The following TENM3 variants were observed in gnomAD, a reference collection of about 807,000 sequenced individuals.
The protein encoded by TENM3 is teneurin-3.
A neutral mutation model predicts 255.1 loss-of-function variants in TENM3; 63 were observed. The ratio of observed to expected loss-of-function variants is 0.25; its 90% CI spans 0.20 to 0.30. The LOEUF is 0.30. Among genes scored for constraint, TENM3 ranks in the 10% least tolerant of loss-of-function variants. The pLI is 1.00. For missense variants in TENM3, 2,929 were observed against 3,461.1 expected (o/e 0.85, Z 3.86); for synonymous variants, 1,306 against 1,322.3 (o/e 0.99, Z 0.27).
chr4:181,792,315 G>A, the TENM3 span, among the ~76,000 whole-genome samples: 4 of 152,112 alleles, frequency 2.6e-5, no homozygotes, highest in Admixed American at 2.6e-4. Flanking sequence ...TTTTATTTTG[G>A]CTCAAAAATG....
chr4:182,743,273 C>T lies in TENM3; in HGVS notation c.3483C>T (p.Pro1161=). 1 of 1,614,036 alleles carries T rather than the reference C, an allele frequency of 6.2e-7. No homozygotes were observed. The highest frequency in any genetic ancestry group is 1.1e-5 in the South Asian group (1 of 91,090). Residue 1161 remains proline (P), a synonymous_variant, in exon 19 of 28, where the codon CCC becomes CCT. Coordinates refer to ENST00000511685, the MANE Select transcript of TENM3 (RefSeq NM_001080477.4). ...GGCGAAGGCGCAGCATTTCCTGCCC[C>T]AGTTGCAATGGTCAAGCTGATGGTA... is the stretch of plus-strand genomic sequence containing the variant. ...GNGRRRSISC[P]SCNGQADGNK... is the part of the protein sequence containing the mutation.
chr4:182,107,401 C>T, the TENM3 span, among the ~76,000 whole-genome samples: 304 of 152,318 alleles, frequency 2.0e-3, 1 homozygote, highest in Middle Eastern at 0.01. Flanking sequence ...GCTGAAACAT[C>T]GAAGGACATC....
chr4:182,114,249 A>C, the TENM3 span, among the ~76,000 whole-genome samples: 15 of 151,890 alleles, frequency 9.9e-5, no homozygotes, highest in Admixed American at 4.0e-4. Context: ...TGTGAATCAA[A>C]TGCATAAAAT....
the TENM3 span, among the ~76,000 whole-genome samples, chr4:181,845,828 G>A: frequency 6.6e-6 from 1 of 152,296 alleles, no homozygotes; most frequent in East Asian, 1.9e-4. Context: ...GTTACAGCGG[G>A]TGTTCCTGAA....
At chr4:181,802,713 GT>G in the TENM3 span, among the ~76,000 whole-genome samples, 1 of 151,960 alleles carries the variant, frequency 6.6e-6, no homozygotes, top group Non-Finnish European at 1.5e-5. Context: ...TTATACCTTT[GT>G]GAGCAGTCAA....
chr4:181,815,674 G>A, the TENM3 span, among the ~76,000 whole-genome samples: 1 of 152,224 alleles, frequency 6.6e-6, no homozygotes, highest in African/African-American at 2.4e-5. Context: ...CACACAGCTG[G>A]GAGACCGAAG....
chr4:181,769,213 C>T, the TENM3 span, among the ~76,000 whole-genome samples: 1 of 152,140 alleles, frequency 6.6e-6, no homozygotes, highest in East Asian at 1.9e-4. Flanking sequence ...CTCGAAAAAG[C>T]ATAGAAATAG....
chr4:181,888,525 T>TACAC, the TENM3 span, among the ~76,000 whole-genome samples: 3 of 99,848 alleles, frequency 3.0e-5, no homozygotes, highest in African/African-American at 1.5e-4. Context: ...TGTATATATA[T>TACAC]ACATATATGT....
the TENM3 span, among the ~76,000 whole-genome samples, chr4:181,721,802 C>T: frequency 6.6e-6 from 1 of 151,838 alleles, no homozygotes; most frequent in African/African-American, 2.4e-5. Flanking sequence ...GCAAGAACTA[C>T]AAGACAGCGT....
chr4:181,828,924 CATG>C, the TENM3 span, among the ~76,000 whole-genome samples: 1 of 152,162 alleles, frequency 6.6e-6, no homozygotes, highest in Admixed American at 6.5e-5. Context: ...ATTGTCCTCC[CATG>C]ATACCACCCT....
the TENM3 span, among the ~76,000 whole-genome samples, chr4:181,469,476 C>T: frequency 6.6e-6 from 1 of 152,114 alleles, no homozygotes; most frequent in Non-Finnish European, 1.5e-5. Flanking sequence ...TTTAAAAACA[C>T]TTACTTATTA....
intron 3 of TENM3, chr4:182,449,096 C>A: frequency 3.9e-6 from 1 of 254,690 alleles, no homozygotes; most frequent in Non-Finnish European, 8.0e-6. Context: ...GGGTGAGCGG[C>A]GGCGGCGGCG....
intron 3 of TENM3, among the ~76,000 whole-genome samples, chr4:182,478,939 GGTT>G (rs770786256): frequency 3.3e-5 from 5 of 151,874 alleles, no homozygotes; most frequent in Non-Finnish European, 5.9e-5. Flanking sequence ...TATGATTGAT[GGTT>G]GTTGGCTAAA....
chr4:182,572,688 C>T lies in TENM3; in HGVS notation c.512-28236C>T, dbSNP rs142889595. Among the ~76,000 whole-genome samples the T allele has an allele frequency of 2.4e-3, 369 of 152,210 alleles. 2 individuals carry two copies. Among genetic ancestry groups the T allele is most frequent in the African/African-American group, 8.5e-3 (352 of 41,510 alleles). ...AAGTAGAAAAAAACAAAATTGAAGG[C>T]AATCAGGTTAAAGAAACTTCCTGTA... is the stretch of plus-strand genomic sequence containing the variant. On this transcript the variant is annotated intron_variant, in intron 3 of 27. Transcript: ENST00000511685.
the TENM3 span, among the ~76,000 whole-genome samples, chr4:181,653,522 G>A: frequency 6.6e-6 from 1 of 151,968 alleles, no homozygotes; most frequent in African/African-American, 2.4e-5. Flanking sequence ...CGATTCTCCT[G>A]CCTCAGTAGC....
chr4:181,521,605 A>C, the TENM3 span, among the ~76,000 whole-genome samples: 1 of 152,228 alleles, frequency 6.6e-6, no homozygotes, highest in African/African-American at 2.4e-5. Context: ...GTACAACAAT[A>C]TCTTTAAGCA....
chr4:181,551,876 GTGTGTGTGTGTGTA>G, the TENM3 span, among the ~76,000 whole-genome samples: 1,621 of 57,462 alleles, frequency 0.028, 25 homozygotes, highest in Middle Eastern at 0.077. Context: ...GTGTGTGTGT[GTGTGTGTGTGTGTA>G]TATAAATTTT....
intron 1 of TENM3, among the ~76,000 whole-genome samples, chr4:182,281,255 A>G (rs534776801): frequency 6.6e-6 from 1 of 152,350 alleles, no homozygotes; most frequent in East Asian, 1.9e-4. Context: ...ATTTAATACT[A>G]TAATAGCATG....
chr4:182,331,671 A>G (rs184852560), intron 2 of TENM3, among the ~76,000 whole-genome samples: 4 of 152,344 alleles, frequency 2.6e-5, no homozygotes, highest in Admixed American at 2.0e-4. Flanking sequence ...ATAAAGATAT[A>G]TTAGGTGAAT....
Sources: allele counts gnomAD v4.1 joint callset (sites outside exome capture counted in the v4.1 genomes callset), GRCh38; gene constraint gnomAD v4.1.1; transcripts MANE v1.5; gene names NCBI Gene and HGNC (gene_info 2026-07-23, HGNC 2026-07-21).